Variants in STK32C observed in about 807,000 individuals in gnomAD.
The protein encoded by STK32C is serine/threonine kinase 32C.
A neutral mutation model predicts 56.5 loss-of-function variants in STK32C; 31 were observed. The observed-to-expected ratio is 0.55, with a 90% CI of 0.41 to 0.74. The LOEUF is 0.74. Among genes scored for constraint, STK32C ranks in the 30% least tolerant of loss-of-function variants. The pLI, the probability that STK32C is intolerant of heterozygous loss-of-function variation, is 0.00. For synonymous variants in STK32C, 309 were observed against 289.4 expected, an observed-to-expected ratio of 1.07 and a Z score of -0.69; for missense variants, 544 against 676.9, an observed-to-expected ratio of 0.80 and a Z score of 2.18.
At chr10:132,279,438 C>T (rs528335708) in intron 1 of STK32C, among the ~76,000 whole-genome samples, 2 of 152,228 alleles carry the variant, frequency 1.3e-5, no homozygotes, top group East Asian at 1.9e-4. Context: ...ACAGACTCTA[C>T]GTGACAAGTA....
At chr10:132,324,910 T>C (rs1473162831) in intron 1 of STK32C, among the ~76,000 whole-genome samples, 1 of 152,168 alleles carries the variant, frequency 6.6e-6, no homozygotes, top group East Asian at 1.9e-4. Context: ...ACCTTACAGG[T>C]CATAGGTGGA....
intron 1 of STK32C, among the ~76,000 whole-genome samples, chr10:132,258,723 C>T (rs1466562499): frequency 1.3e-5 from 2 of 152,222 alleles, no homozygotes; most frequent in Non-Finnish European, 2.9e-5. Context: ...AAAGGAGCTG[C>T]TTCTGGACTC....
chr10:132,233,515 T>A (rs187358864), intron 2 of STK32C, among the ~76,000 whole-genome samples: 2,307 of 152,302 alleles, frequency 0.015, 84 homozygotes, highest in Admixed American at 0.08. Context: ...CTGGTGAAGT[T>A]AAGACGCCTC....
chr10:132,209,423 C>T (rs560858172), intron 10 of STK32C: 9 of 559,668 alleles, frequency 1.6e-5, no homozygotes, highest in South Asian at 8.2e-5. Context: ...ACTCCCTTGC[C>T]GGGCCTTTCC....
At chr10:132,264,218 C>T (rs1193681287) in intron 1 of STK32C, among the ~76,000 whole-genome samples, 1 of 152,210 alleles carries the variant, frequency 6.6e-6, no homozygotes, top group African/African-American at 2.4e-5. Context: ...ACTCTTCACT[C>T]TAAAGTGGTT....
intron 2 of STK32C, among the ~76,000 whole-genome samples, chr10:132,231,191 C>T (rs1214329478): frequency 1.3e-5 from 2 of 152,202 alleles, no homozygotes; most frequent in African/African-American, 2.4e-5. Context: ...AGAGCCACCT[C>T]GAGACAGGGC....
chr10:132,295,081 G>A (rs117396895), intron 1 of STK32C, among the ~76,000 whole-genome samples: 16 of 152,288 alleles, frequency 1.1e-4, no homozygotes, highest in Non-Finnish European at 1.9e-4. Context: ...CAATTCACAC[G>A]CCCACCGGCA....
intron 1 of STK32C, among the ~76,000 whole-genome samples, chr10:132,284,299 AGGTGAGGTTGGGG>A: frequency 8.3e-5 from 6 of 72,074 alleles, no homozygotes; most frequent in Admixed American, 1.7e-4. Context: ...TGGGGGGGGC[AGGTGAGGTTGGGG>A]GGGCAGGTGA....
downstream of STK32C, among the ~76,000 whole-genome samples, chr10:132,320,117 C>T (rs981480102): frequency 7.3e-5 from 11 of 151,378 alleles, no homozygotes; most frequent in Non-Finnish European, 1.2e-4. Flanking sequence ...GCACATTGCG[C>T]GTGTGAATGA....
chr10:132,318,323 A>G (rs150121183), intron 1 of STK32C, among the ~76,000 whole-genome samples: 2,172 of 151,876 alleles, frequency 0.014, 43 homozygotes, highest in South Asian at 0.045. Flanking sequence ...ACGTAGGTAA[A>G]AGACTTGGAA....
intron 10 of STK32C, among the ~76,000 whole-genome samples, chr10:132,210,588 T>C (rs956977664): frequency 2.0e-5 from 3 of 152,228 alleles, no homozygotes; most frequent in Non-Finnish European, 2.9e-5. Context: ...TGGCAAGTAC[T>C]CTGGACACCC....
chr10:132,228,129 C>T lies in STK32C; in HGVS notation c.319-1G>A, dbSNP rs1209468511. On this transcript the variant is annotated splice_acceptor_variant, in intron 2 of 11. Coordinates refer to ENST00000298630, the MANE Select transcript of STK32C (RefSeq NM_173575.4). LOFTEE classifies it high-confidence loss of function. ...TGTCCCGCTTCTGCACAATGCACAC[C>T]TGGAGGGCACAGGGCTGTTCGGCAG... is the stretch of plus-strand genomic sequence containing the variant. 6.2e-7 allele frequency: 1 copy of T among 1,613,850 alleles called. No homozygotes were observed. The highest frequency in any genetic ancestry group is 8.5e-7 in the Non-Finnish European group (1 of 1,180,026).
At chr10:132,226,174 T>G (rs1565078852) in intron 4 of STK32C, among the ~76,000 whole-genome samples, 1 of 152,220 alleles carries the variant, frequency 6.6e-6, no homozygotes. Context: ...CAGTGCTCAG[T>G]GACTGGTGCC....
chr10:132,211,230 T>C (rs1468483027), intron 10 of STK32C, among the ~76,000 whole-genome samples: 1 of 151,918 alleles, frequency 6.6e-6, no homozygotes, highest in Non-Finnish European at 1.5e-5. Flanking sequence ...CGGGCCGGCC[T>C]GAGAAGGTGA....
At position 132,263,365 on chromosome 10, in the gene STK32C, CAT is replaced by C. The variant is rs546374673; in HGVS notation, c.263-17412_263-17411del. ...CAGAAAACTCAATACCACATGTCCT[CAT>C]GTGTAGGTGGGAGCTAACCACTGGG... On this transcript the variant is annotated intron_variant, in intron 1 of 11. Coordinates refer to ENST00000298630, the MANE Select transcript of STK32C (RefSeq NM_173575.4). 3.0e-3 allele frequency among the ~76,000 whole-genome samples: 461 copies of C among 152,226 alleles called. 2 individuals are homozygous for C. The highest frequency in any genetic ancestry group is 3.9e-3 in the Non-Finnish European group (266 of 68,014).
chr10:132,294,734 G>C (rs2065682609), intron 1 of STK32C, among the ~76,000 whole-genome samples: 1 of 152,140 alleles, frequency 6.6e-6, no homozygotes, highest in Non-Finnish European at 1.5e-5. Context: ...CAGTGCACCA[G>C]CCCCCGACCC....
At chr10:132,214,007 T>C (rs1286433674) in intron 10 of STK32C, among the ~76,000 whole-genome samples, 3 of 151,804 alleles carry the variant, frequency 2.0e-5, no homozygotes, top group Non-Finnish European at 4.4e-5. Context: ...ATGAACAGAA[T>C]ATCCAAGAGC....
chr10:132,209,822 G>C (rs1051198374), intron 10 of STK32C, among the ~76,000 whole-genome samples: 1 of 152,218 alleles, frequency 6.6e-6, no homozygotes, highest in Non-Finnish European at 1.5e-5. Context: ...CCAAGTCACA[G>C]TGAAAAGTGC....
intron 2 of STK32C, 112 bp downstream of exon 2, chr10:132,245,788 G>A (rs2063666547): frequency 9.2e-7 from 1 of 1,092,476 alleles, no homozygotes; most frequent in South Asian, 1.3e-5. Flanking sequence ...CCCAGGTAAG[G>A]CTGCTTCTCC....
Sources: allele counts gnomAD v4.1 joint callset (sites outside exome capture counted in the v4.1 genomes callset), GRCh38; gene constraint gnomAD v4.1.1; transcripts MANE v1.5; gene names NCBI Gene and HGNC (gene_info 2026-07-23, HGNC 2026-07-21).